The following BNIP2 variants were observed in gnomAD, a reference collection of about 807,000 sequenced individuals.
BNIP2 encodes the protein BCL2/adenovirus E1B 19 kDa protein-interacting protein 2.
A neutral mutation model predicts 43.4 loss-of-function variants in BNIP2; 36 were observed. That is an observed-to-expected ratio of 0.83 (90% CI 0.64 to 1.10). BNIP2 has a LOEUF of 1.10. Ranked by LOEUF, BNIP2 falls within the 50% of genes least tolerant of loss-of-function variation. The pLI, the probability that BNIP2 is intolerant of heterozygous loss-of-function variation, is 0.00. For synonymous variants in BNIP2, 146 were observed against 121.0 expected, an observed-to-expected ratio of 1.21 and a Z score of -1.35; for missense variants, 417 against 374.1, an observed-to-expected ratio of 1.11 and a Z score of -0.95.
At chr15:59,682,362 T>C (rs560338507) in intron 2 of BNIP2, 46 bp downstream of exon 2, 4 of 1,534,450 alleles carry the variant, frequency 2.6e-6, no homozygotes, top group African/African-American at 1.4e-5. Flanking sequence ...TAAAGAAATT[T>C]TGAACTTTTG....
Position 59,669,357 on chromosome 15 carries a change from C to T in BNIP2, c.713G>A (p.Arg238Gln), listed in dbSNP as rs758064780. The T allele has an allele frequency of 1.9e-5, 29 of 1,510,350 alleles. No individual in the cohort carries two copies. The highest frequency in any genetic ancestry group is 2.8e-5 in the South Asian group (2 of 71,258). The allele number at this position is 1,510,350 out of a possible 1,614,324, so 93.6% of individuals were successfully genotyped here. ...KCYQQIDRRL[R>Q]KNLKSLIIVH... is the part of the protein sequence containing the mutation. ...AATGATTAGGGATTTTAGATTTTTC[C>T]GTAACCTGGAGTTTAAAAAAAAAAC... Residue 238 changes from arginine (R) to glutamine (Q), a missense_variant, in exon 8 of 10, where the codon CGG becomes CAG. By Grantham distance (43) the Arg-to-Gln change is conservative. Transcript: ENST00000607373.
intron 5 of BNIP2, chr15:59,677,409 G>A (rs1284691814): frequency 6.7e-7 from 1 of 1,498,858 alleles, no homozygotes; most frequent in African/African-American, 1.4e-5. Context: ...CAAACCATCA[G>A]GTGGACACAG....
rs201360063 is a variant in BNIP2 at position 59,668,926 on chromosome 15, T to C, written c.859A>G (p.Met287Val). The C allele has an allele frequency of 2.6e-4, 414 of 1,613,692 alleles. No homozygotes were observed. Among genetic ancestry groups the C allele is most frequent in the Non-Finnish European group, 3.2e-4 (377 of 1,179,792 alleles). ...NLAELAELVP[M>V]EYVGIPECIK... ...CATTCTGGTATGCCAACGTATTCCA[T>C]GGGGACAAGTTCTGCTAGTTCTGCC... The change falls in exon 9 of 10, where the codon ATG (methionine) becomes GTG (valine). Residue 287 changes from methionine to valine, a missense_variant. Physicochemically the swap from Met to Val is conservative, Grantham distance 21. Coordinates refer to ENST00000607373, the MANE Select transcript of BNIP2 (RefSeq NM_004330.4).
intron 5 of BNIP2, among the ~76,000 whole-genome samples, chr15:59,673,199 A>G (rs1342806538): frequency 6.7e-6 from 1 of 149,978 alleles, no homozygotes; most frequent in Non-Finnish European, 1.5e-5. Context: ...GCTCACTGCA[A>G]CCTCCGCCTC....
chr15:59,672,509 T>G (rs761422886), intron 6 of BNIP2, 128 bp downstream of exon 6: 5 of 625,756 alleles, frequency 8.0e-6, no homozygotes, highest in Non-Finnish European at 1.1e-5. Context: ...TGGACTCAAG[T>G]GATCTGCCCA....
At chr15:59,677,237 G>T in intron 5 of BNIP2, 1 of 1,596,810 alleles carries the variant, frequency 6.3e-7, no homozygotes, top group Non-Finnish European at 8.6e-7. Flanking sequence ...AGAGTGCCAA[G>T]CCCCGGCTGG....
chr15:59,689,206 C>G lies in BNIP2; in HGVS notation c.-129G>C, dbSNP rs1326805790. ...GGCGACGTGGGGCTGACGGCCAGGT[C>G]GCAAAAAGCAGGGCCGAGCGGAGCC... is the stretch of plus-strand genomic sequence containing the variant. On this transcript the variant is annotated 5_prime_UTR_variant, in exon 1 of 10. Transcript: ENST00000607373. The G allele has an allele frequency of 1.9e-6, 3 of 1,540,078 alleles. No homozygotes were observed. Among genetic ancestry groups the G allele is most frequent in the South Asian group, 1.2e-5 (1 of 84,004 alleles).
Position 59,689,292 on chromosome 15 carries a change from T to A in BNIP2, c.-215A>T. ...ATCCCCCGGCCGCAGCGGTACGGCGTCGGCGGCAGCAGCTGACCCGGACAC... is the reference window on the plus strand; with the variant it reads ...ATCCCCCGGCCGCAGCGGTACGGCGACGGCGGCAGCAGCTGACCCGGACAC... On this transcript the variant is annotated 5_prime_UTR_variant, in exon 1 of 10. Coordinates refer to ENST00000607373, the MANE Select transcript of BNIP2 (RefSeq NM_004330.4). 1 of 1,546,102 alleles carries A rather than the reference T, an allele frequency of 6.5e-7. No individual in the cohort carries two copies. Among genetic ancestry groups the A allele is most frequent in the South Asian group, 1.2e-5 (1 of 83,968 alleles).
chr15:59,668,784 GCA>G (rs1566957102), intron 9 of BNIP2, 106 bp downstream of exon 9: 21 of 1,002,318 alleles, frequency 2.1e-5, no homozygotes, highest in African/African-American at 6.6e-5. Context: ...GCGCGCGCGC[GCA>G]CAGTTATAAA....
At chr15:59,680,656 C>T (rs1179142789) in intron 2 of BNIP2, among the ~76,000 whole-genome samples, 1 of 152,182 alleles carries the variant, frequency 6.6e-6, no homozygotes, top group Non-Finnish European at 1.5e-5. Flanking sequence ...GTGCATTGAC[C>T]TCCCTAAGTG....
At chr15:59,671,415 A>C (rs868682385) in intron 6 of BNIP2, 101 bp from the exon 7 acceptor site, 3 of 978,684 alleles carry the variant, frequency 3.1e-6, no homozygotes, top group Middle Eastern at 3.4e-4. Context: ...TCTCTCCTAC[A>C]ATGAGAGCAA....
intron 4 of BNIP2, 162 bp from the exon 5 acceptor site, chr15:59,678,249 A>C: frequency 7.3e-7 from 1 of 1,367,640 alleles, no homozygotes; most frequent in Non-Finnish European, 9.4e-7. Flanking sequence ...TATTCTTAAC[A>C]TGAGGCTGTT....
intron 7 of BNIP2, among the ~76,000 whole-genome samples, chr15:59,670,751 A>C (rs1389458291): frequency 1.3e-5 from 2 of 152,208 alleles, no homozygotes; most frequent in African/African-American, 4.8e-5. Context: ...ATAAATAAAT[A>C]AAATTTAAAA....
intron 5 of BNIP2, among the ~76,000 whole-genome samples, chr15:59,676,336 G>T (rs1055946762): frequency 7.9e-5 from 12 of 152,024 alleles, no homozygotes; most frequent in Admixed American, 2.6e-4. Flanking sequence ...ACCACTCCTG[G>T]CTAATTTTAT....
At chr15:59,686,605 A>T (rs1410382201) in intron 1 of BNIP2, among the ~76,000 whole-genome samples, 3 of 152,196 alleles carry the variant, frequency 2.0e-5, no homozygotes, top group Admixed American at 2.0e-4. Flanking sequence ...TCACTTTTTA[A>T]CCAACAGCCT....
intron 9 of BNIP2, 127 bp downstream of exon 9, chr15:59,668,765 C>A: frequency 1.3e-6 from 1 of 780,090 alleles, no homozygotes; most frequent in Non-Finnish European, 2.0e-6. Context: ...GTTACACACA[C>A]ACACACACGC....
chr15:59,686,422 A>G (rs1461064681), intron 1 of BNIP2, among the ~76,000 whole-genome samples: 5 of 152,192 alleles, frequency 3.3e-5, no homozygotes, highest in African/African-American at 1.2e-4. Flanking sequence ...TGTTTAGATT[A>G]TAACACAATT....
intron 1 of BNIP2, among the ~76,000 whole-genome samples, chr15:59,688,205 A>C (rs1272872740): frequency 6.6e-6 from 1 of 152,362 alleles, no homozygotes; most frequent in East Asian, 1.9e-4. Context: ...CAAAATGATC[A>C]AGAAACTAGT....
At chr15:59,671,071 C>T in intron 7 of BNIP2, 112 bp downstream of exon 7, 2 of 913,430 alleles carry the variant, frequency 2.2e-6, no homozygotes, top group South Asian at 1.9e-5. Flanking sequence ...GAAACTCCGT[C>T]TCAAAAAAAA....
Sources: allele counts gnomAD v4.1 joint callset (sites outside exome capture counted in the v4.1 genomes callset), GRCh38; gene constraint gnomAD v4.1.1; transcripts MANE v1.5; gene names NCBI Gene and HGNC (gene_info 2026-07-23, HGNC 2026-07-21).